ZBTB44: variants seen among roughly 807,000 people sequenced by gnomAD.
The protein encoded by ZBTB44 is zinc finger and BTB domain-containing protein 44.
A neutral mutation model predicts 54.0 loss-of-function variants in ZBTB44; 15 were observed. The ratio of observed to expected loss-of-function variants is 0.28; its 90% CI spans 0.19 to 0.43. The LOEUF is 0.43. Among genes scored for constraint, ZBTB44 ranks in the 20% least tolerant of loss-of-function variants. The pLI is 1.00. For synonymous variants in ZBTB44, 230 were observed against 250.1 expected, an observed-to-expected ratio of 0.92 and a Z score of 0.76; for missense variants, 487 against 707.1, an observed-to-expected ratio of 0.69 and a Z score of 3.53.
chr11:130,237,929 C>A (rs1420154933), intron 4 of ZBTB44, among the ~76,000 whole-genome samples: 1 of 152,144 alleles, frequency 6.6e-6, no homozygotes, highest in African/African-American at 2.4e-5. Flanking sequence ...TACATTTATC[C>A]AAAATCTCTG....
intron 1 of ZBTB44, among the ~76,000 whole-genome samples, chr11:130,284,844 G>C (rs1468132179): frequency 6.6e-6 from 1 of 151,948 alleles, no homozygotes; most frequent in Non-Finnish European, 1.5e-5. Flanking sequence ...CCACAGCCTG[G>C]GAAACAGAGC....
intron 1 of ZBTB44, among the ~76,000 whole-genome samples, chr11:130,263,600 T>C (rs1394936072): frequency 6.6e-6 from 1 of 152,114 alleles, no homozygotes; most frequent in East Asian, 1.9e-4. Flanking sequence ...TGCATCGGAG[T>C]ATTAAAATGA....
chr11:130,248,602 C>T (rs983078477), intron 2 of ZBTB44, among the ~76,000 whole-genome samples: 3 of 151,808 alleles, frequency 2.0e-5, no homozygotes, highest in African/African-American at 4.8e-5. Context: ...CATCACACCA[C>T]AGCACTCCAG....
intron 2 of ZBTB44, among the ~76,000 whole-genome samples, chr11:130,245,467 T>C (rs539022396): frequency 2.6e-5 from 4 of 152,196 alleles, no homozygotes; most frequent in Admixed American, 6.5e-5. Context: ...TTAGCGTTGG[T>C]CCCATGGACA....
chr11:130,293,526 T>C (rs1205416602), intron 1 of ZBTB44, among the ~76,000 whole-genome samples: 1 of 142,110 alleles, frequency 7.0e-6, no homozygotes, highest in Non-Finnish European at 1.5e-5. Flanking sequence ...ACACCTATAA[T>C]CCCAGCACTT....
At chr11:130,244,919 C>CAAG (rs1954577756) in intron 2 of ZBTB44, among the ~76,000 whole-genome samples, 2 of 152,142 alleles carry the variant, frequency 1.3e-5, no homozygotes, top group Admixed American at 6.5e-5. Context: ...GGCATCCAAA[C>CAAG]TTTATTTAAT....
In ZBTB44 at chr11:130,265,536, G is replaced by A. The variant is rs183403035; in HGVS notation, c.-56-3607C>T. Among the ~76,000 whole-genome samples the A allele has an allele frequency of 7.2e-5, 11 of 152,298 alleles. No homozygotes were observed. The East Asian group carries it at 2.1e-3, about 29-fold the overall frequency. On this transcript the variant is annotated intron_variant, in intron 1 of 7. Coordinates refer to ENST00000357899, the MANE Select transcript of ZBTB44 (RefSeq NM_001301098.2). ...TTAAGTTTAGTGAGGAAGGCATGTT[G>A]AGAGCTGAGAGAGCCTGAAAGCTAG...
At chr11:130,304,959 T>A (rs1430744757) in intron 1 of ZBTB44, among the ~76,000 whole-genome samples, 1 of 152,114 alleles carries the variant, frequency 6.6e-6, no homozygotes, top group African/African-American at 2.4e-5. Context: ...TATACACCAA[T>A]GATGACCAAG....
chr11:130,275,173 C>T (rs1277181784), intron 1 of ZBTB44, among the ~76,000 whole-genome samples: 2 of 151,958 alleles, frequency 1.3e-5, no homozygotes, highest in African/African-American at 2.4e-5. Flanking sequence ...TGCTCTTTTT[C>T]CAGTGTCTTA....
At chr11:130,266,521 G>A (rs1348586681) in intron 1 of ZBTB44, among the ~76,000 whole-genome samples, 2 of 152,066 alleles carry the variant, frequency 1.3e-5, no homozygotes, top group African/African-American at 4.8e-5. Context: ...TTCCTCTGAC[G>A]GATCTGCACA....
In ZBTB44 at chr11:130,234,050, C is replaced by G. The variant is rs1469490439; in HGVS notation, c.1686+106G>C. 3.3e-6 allele frequency: 5 copies of G among 1,531,694 alleles called. No homozygotes were observed. The East Asian group carries it at 7.4e-5, about 23-fold the overall frequency. The allele number at this position is 1,531,694 out of a possible 1,614,324, so 94.9% of individuals were successfully genotyped here. A position where few individuals can be genotyped will look rare whatever the true frequency, so the allele number is the denominator to read the frequency against. ...GGGGGGTCATCTCTGGTTGCCTCAG[C>G]ACAAGCACTGCTCTTTGGCTGCTCT... On this transcript the variant is annotated intron_variant, in intron 6 of 7. Coordinates refer to ENST00000357899, the MANE Select transcript of ZBTB44 (RefSeq NM_001301098.2).
intron 5 of ZBTB44, among the ~76,000 whole-genome samples, chr11:130,236,410 T>C (rs1954114699): frequency 6.6e-6 from 1 of 152,226 alleles, no homozygotes; most frequent in African/African-American, 2.4e-5. Flanking sequence ...TAAAGAATTT[T>C]ATTAACATCT....
chr11:130,313,586 G>T (rs975265031), intron 1 of ZBTB44, among the ~76,000 whole-genome samples: 8 of 152,136 alleles, frequency 5.3e-5, no homozygotes, highest in African/African-American at 9.7e-5. Context: ...CTTGCTTCCG[G>T]TATCAGCCGA....
At chr11:130,236,218 T>TA in intron 5 of ZBTB44, 1 of 1,283,314 alleles carries the variant, frequency 7.8e-7, no homozygotes, top group Non-Finnish European at 1.0e-6. Context: ...TGGGATGCCC[T>TA]ATAAATCAGA....
At chr11:130,252,256 A>C (rs1269947679) in intron 2 of ZBTB44, among the ~76,000 whole-genome samples, 1 of 152,164 alleles carries the variant, frequency 6.6e-6, no homozygotes, top group African/African-American at 2.4e-5. Context: ...CGCAATACAG[A>C]AGCACCCAGA....
intron 1 of ZBTB44, among the ~76,000 whole-genome samples, chr11:130,286,288 A>C (rs1040220109): frequency 2.6e-4 from 40 of 152,350 alleles, no homozygotes; most frequent in African/African-American, 8.4e-4. Flanking sequence ...AAAATGACAG[A>C]TATTAGCCTA....
intron 5 of ZBTB44, chr11:130,236,313 C>G (rs1954107871): frequency 2.5e-6 from 3 of 1,179,578 alleles, no homozygotes; most frequent in Non-Finnish European, 2.2e-6. Context: ...TCTAAACCAT[C>G]ACACCCACTA....
In ZBTB44 at chr11:130,238,696, T is replaced by TA. The variant is rs1954220037; in HGVS notation, c.1104-90dup. On this transcript the variant is annotated intron_variant, in intron 3 of 7. Transcript: ENST00000357899. ...TAGGTCAATTTTAAATGAAAAAAGA[T>TA]AAAACACTTAAAGACTTTTTGAAAC... 10 of 1,271,312 alleles carry TA rather than the reference T, an allele frequency of 7.9e-6. No homozygotes were observed. The South Asian group carries it at 1.4e-4, about 18-fold the overall frequency. The allele number at this position is 1,271,312 out of a possible 1,614,324, so 78.8% of individuals were successfully genotyped here.
Position 130,312,573 on chromosome 11 carries a change from T to C in ZBTB44, c.-57+1802A>G, listed in dbSNP as rs142390966. On this transcript the variant is annotated intron_variant, in intron 1 of 7. Coordinates refer to ENST00000357899, the MANE Select transcript of ZBTB44 (RefSeq NM_001301098.2). Reference sequence around the variant, plus strand: ...GGAGGGCACAAATCCAGAATGTGGGTATATTTTACAAGACAACTGGTTTGG... The same window carrying C: ...GGAGGGCACAAATCCAGAATGTGGGCATATTTTACAAGACAACTGGTTTGG... Among the ~76,000 whole-genome samples, 798 of 152,262 alleles carry C rather than the reference T, an allele frequency of 5.2e-3. 8 individuals are homozygous for C. Among genetic ancestry groups the C allele is most frequent in the African/African-American group, 0.019 (778 of 41,542 alleles).
Sources: allele counts gnomAD v4.1 joint callset (sites outside exome capture counted in the v4.1 genomes callset), GRCh38; gene constraint gnomAD v4.1.1; transcripts MANE v1.5; gene names NCBI Gene and HGNC (gene_info 2026-07-23, HGNC 2026-07-21).